Variants in NTM observed in about 807,000 individuals in gnomAD.
The protein encoded by NTM is IgLON family member 2.
Under a neutral mutation model 42.1 loss-of-function variants are expected in NTM, and 13 were observed. The observed-to-expected ratio is 0.31, with a 90% CI of 0.20 to 0.49. NTM has a LOEUF of 0.49. NTM is among the 20% of genes least tolerant of loss of function. The pLI, the probability that NTM is intolerant of heterozygous loss-of-function variation, is 0.99. For synonymous variants in NTM, 187 were observed against 179.2 expected (o/e 1.04, Z -0.35); for missense variants, 373 against 452.8 (o/e 0.82, Z 1.60).
rs141038277 is a variant in NTM, at chr11:131,384,985, G to A, written c.82+14097G>A. Among the ~76,000 whole-genome samples the A allele has an allele frequency of 3.7e-4, 57 of 152,294 alleles. 2 individuals carry two copies. The South Asian group carries it at 4.2e-3, about 11-fold the overall frequency. On this transcript the variant is annotated intron_variant, in intron 1 of 8. Transcript: ENST00000683400. ...TGGCCTTGCCTCCACAGTCTAAGGC[G>A]GCAGCATCTGTGTGCCAGAGTGGAA... is the stretch of plus-strand genomic sequence containing the variant.
At chr11:132,078,424 C>T (rs1308770764) in intron 2 of NTM, among the ~76,000 whole-genome samples, 1 of 152,196 alleles carries the variant, frequency 6.6e-6, no homozygotes, top group East Asian at 1.9e-4. Flanking sequence ...TGGGTGAGTG[C>T]CACCGGTGAC....
chr11:132,172,586 G>A (rs1367515267), intron 3 of NTM, among the ~76,000 whole-genome samples: 1 of 152,158 alleles, frequency 6.6e-6, no homozygotes, highest in Non-Finnish European at 1.5e-5. Context: ...AGCCAAAAAA[G>A]TTATTGGAAA....
intron 3 of NTM, among the ~76,000 whole-genome samples, chr11:132,162,397 ATGTG>A (rs2074485463): frequency 7.4e-6 from 1 of 134,562 alleles, no homozygotes; most frequent in Non-Finnish European, 1.6e-5. Flanking sequence ...TTTGTGGGTC[ATGTG>A]TGTATTTGTG....
At chr11:131,957,784 C>T (rs1215413160) in intron 2 of NTM, among the ~76,000 whole-genome samples, 3 of 152,030 alleles carry the variant, frequency 2.0e-5, no homozygotes, top group Non-Finnish European at 4.4e-5. Flanking sequence ...GGAAGATGGA[C>T]AGTTTTTATG....
chr11:132,102,595 T>A (rs2061759283), intron 2 of NTM, among the ~76,000 whole-genome samples: 1 of 152,218 alleles, frequency 6.6e-6, no homozygotes, highest in Admixed American at 6.5e-5. Context: ...CCTTAAAGAA[T>A]TCAGGTGTTG....
At chr11:132,321,479 A>AAAAG (rs1334609677) in intron 7 of NTM, among the ~76,000 whole-genome samples, 1 of 152,236 alleles carries the variant, frequency 6.6e-6, no homozygotes, top group South Asian at 2.1e-4. Flanking sequence ...TTTAGAGAAA[A>AAAAG]AAAGAATAAA....
At chr11:131,412,039 C>T (rs73022135) in intron 1 of NTM, among the ~76,000 whole-genome samples, 32 of 152,238 alleles carry the variant, frequency 2.1e-4, no homozygotes, top group Non-Finnish European at 3.4e-4. Context: ...GACTGAGGCC[C>T]GGGTGCCAGC....
chr11:132,149,481 A>T (rs907981805), intron 3 of NTM, among the ~76,000 whole-genome samples: 2 of 152,234 alleles, frequency 1.3e-5, no homozygotes, highest in South Asian at 4.1e-4. Flanking sequence ...ATGTGTATTT[A>T]TGTATATGTA....
At chr11:131,785,788 A>C (rs1411607702) in intron 1 of NTM, among the ~76,000 whole-genome samples, 1 of 152,242 alleles carries the variant, frequency 6.6e-6, no homozygotes, top group Non-Finnish European at 1.5e-5. Flanking sequence ...CAATGCAAGT[A>C]GGACTAGGAG....
At chr11:131,896,511 C>T (rs1237305209) in intron 1 of NTM, among the ~76,000 whole-genome samples, 1 of 152,116 alleles carries the variant, frequency 6.6e-6, no homozygotes, top group Non-Finnish European at 1.5e-5. Flanking sequence ...AACATTCCCA[C>T]TGAGTACGTG....
Position 131,424,595 on chromosome 11 carries a change from C to CTTTTTTTTTTTTTTTT in NTM, c.82+53711_82+53712insTTTTTTTTTTTTTTTT, listed in dbSNP as rs1446801058. On this transcript the variant is annotated intron_variant, in intron 1 of 8. Coordinates refer to ENST00000683400, the MANE Select transcript of NTM (RefSeq NM_001352005.2). ...TGCTTAGTTGTTTTTTATTTCTTTTCTTTTCTTTTTTTTTTTTTTTTTTGG... is the reference window on the plus strand; with the variant it reads ...TGCTTAGTTGTTTTTTATTTCTTTTCTTTTTTTTTTTTTTTTTTTTCTTTTTTTTTTTTTTTTTTGG... Among the ~76,000 whole-genome samples the CTTTTTTTTTTTTTTTT allele has an allele frequency of 4.6e-3, 182 of 39,560 alleles. 20 individuals are homozygous for CTTTTTTTTTTTTTTTT. In the East Asian group the frequency reaches 0.046, roughly 10 times the overall value. 26.0% of individuals were successfully genotyped at this position (39,560 alleles called of 152,430 possible). A position where few individuals can be genotyped will look rare whatever the true frequency, so the allele number is the denominator to read the frequency against.
intron 2 of NTM, among the ~76,000 whole-genome samples, chr11:131,916,728 C>T (rs1353141412): frequency 6.6e-6 from 1 of 152,224 alleles, no homozygotes; most frequent in Non-Finnish European, 1.5e-5. Flanking sequence ...TAGGCCTCCT[C>T]CAGGCTTGCC....
In NTM at chr11:132,336,023, A is replaced by G. The variant is rs2095869750; in HGVS notation, c.*877A>G. ...AAAAAATGCATCCGATTTAACCAACATCTCCACCAGCGCTACGGACTCCTC... is the reference window on the plus strand; with the variant it reads ...AAAAAATGCATCCGATTTAACCAACGTCTCCACCAGCGCTACGGACTCCTC... On this transcript the variant is annotated 3_prime_UTR_variant, in exon 9 of 9. Transcript: ENST00000683400. The G allele has an allele frequency of 6.6e-6, 1 of 152,658 alleles. No individual in the cohort carries two copies. Among genetic ancestry groups the G allele is most frequent in the Non-Finnish European group, 1.5e-5 (1 of 68,048 alleles). The allele number at this position is 152,658 out of a possible 1,614,324, so 9.5% of individuals were successfully genotyped here. A position where few individuals can be genotyped will look rare whatever the true frequency, so the allele number is the denominator to read the frequency against.
At chr11:131,598,789 CTTTCTTTCTT>C (rs1162463513) in intron 1 of NTM, among the ~76,000 whole-genome samples, 2 of 87,482 alleles carry the variant, frequency 2.3e-5, no homozygotes, top group African/African-American at 7.4e-5. Context: ...TTTCTTCTTT[CTTTCTTTCTT>C]TTTCTTTCTT....
In NTM at chr11:132,307,759, C is replaced by A. The variant is rs374350109; in HGVS notation, c.597C>A (p.Tyr199Ter). The A allele has an allele frequency of 6.2e-7, 1 of 1,614,184 alleles. No individual in the cohort carries two copies. The highest frequency in any genetic ancestry group is 8.5e-7 in the Non-Finnish European group (1 of 1,180,022). ...QGITREQSGD[Y>*]ECSASNDVAA... ...TCACCAGGGAGCAGTCAGGGGACTA[C>A]GAGTGCAGTGCCTCCAATGACGTGG... is the stretch of plus-strand genomic sequence containing the variant. The change falls in exon 5 of 9, where the codon TAC becomes TAA. Residue 199 changes from tyrosine (Y) to a stop codon, truncating the protein, a stop_gained. Transcript: ENST00000683400. LOFTEE classifies it high-confidence loss of function.
rs573888632 is a variant in NTM at position 132,285,010 on chromosome 11, G to C, written c.527-22679G>C. On this transcript the variant is annotated intron_variant, in intron 4 of 8. Transcript: ENST00000683400. ...GAGCAGGAGCAGGAAGGGTCACTCT[G>C]GGACTGTGCTCATGGGACCCTGAGA... The C allele has an allele frequency of 1.9e-3, 297 of 152,550 alleles. 3 individuals carry two copies. The highest frequency in any genetic ancestry group is 3.5e-3 in the Non-Finnish European group (240 of 68,214). 9.4% of individuals were successfully genotyped at this position (152,550 alleles called of 1,614,324 possible).
intron 1 of NTM, among the ~76,000 whole-genome samples, chr11:131,674,420 T>G (rs704631): frequency 0.74 from 112,746 of 152,162 alleles, 42,089 homozygotes; most frequent in East Asian, 0.8. Context: ...GTCCTTAGTG[T>G]GTCTTGGCTT....
intron 2 of NTM, among the ~76,000 whole-genome samples, chr11:132,031,809 T>C (rs1003728759): frequency 6.6e-6 from 1 of 152,100 alleles, no homozygotes; most frequent in Non-Finnish European, 1.5e-5. Context: ...GAAAATAATA[T>C]TTTACTCAGT....
intron 1 of NTM, among the ~76,000 whole-genome samples, chr11:131,861,692 T>C (rs1240426519): frequency 6.6e-6 from 1 of 151,972 alleles, no homozygotes; most frequent in African/African-American, 2.4e-5. Context: ...ATGCTGCCCC[T>C]GAGGTTTCTG....
Sources: allele counts gnomAD v4.1 joint callset (sites outside exome capture counted in the v4.1 genomes callset), GRCh38; gene constraint gnomAD v4.1.1; transcripts MANE v1.5; gene names NCBI Gene and HGNC (gene_info 2026-07-23, HGNC 2026-07-21).